FAM163A: variants seen among roughly 807,000 people sequenced by gnomAD.
FAM163A encodes protein FAM163A.
A neutral mutation model predicts 12.0 loss-of-function variants in FAM163A; 7 were observed. The ratio of observed to expected loss-of-function variants is 0.58; its 90% CI spans 0.33 to 1.10. FAM163A has a LOEUF of 1.10. FAM163A is among the 50% of genes least tolerant of loss of function. The pLI is 0.03. For missense variants in FAM163A, 202 were observed against 218.6 expected, an observed-to-expected ratio of 0.92 and a Z score of 0.48; for synonymous variants, 101 against 91.0, an observed-to-expected ratio of 1.11 and a Z score of -0.62.
the FAM163A span, among the ~76,000 whole-genome samples, chr1:179,732,880 CAAAAAA>C: frequency 1.5e-4 from 6 of 39,132 alleles, no homozygotes; most frequent in African/African-American, 2.0e-4. Flanking sequence ...GACTCTGCCT[CAAAAAA>C]AAAAAAAAAA....
At chr1:179,800,687 T>C (rs1429250639) in intron 1 of FAM163A, among the ~76,000 whole-genome samples, 1 of 152,170 alleles carries the variant, frequency 6.6e-6, no homozygotes, top group African/African-American at 2.4e-5. Context: ...CTGGGCTCCA[T>C]GCCAGGCATT....
At chr1:179,728,623 G>T in the FAM163A span, among the ~76,000 whole-genome samples, 1 of 152,172 alleles carries the variant, frequency 6.6e-6, no homozygotes, top group African/African-American at 2.4e-5. Context: ...ATTTGGGAGG[G>T]TTGATGTTTG....
the FAM163A span, among the ~76,000 whole-genome samples, chr1:179,730,612 A>G: frequency 6.6e-6 from 1 of 152,206 alleles, no homozygotes; most frequent in Non-Finnish European, 1.5e-5. Flanking sequence ...TCGGTAGAAA[A>G]TACTAACTGC....
chr1:179,797,398 A>G (rs753585637), intron 1 of FAM163A, among the ~76,000 whole-genome samples: 31 of 152,176 alleles, frequency 2.0e-4, no homozygotes, highest in Non-Finnish European at 3.7e-4. Flanking sequence ...CAGTGAGCCA[A>G]GATCACGCCA....
intron 1 of FAM163A, among the ~76,000 whole-genome samples, chr1:179,783,006 T>A (rs1289605745): frequency 6.6e-6 from 1 of 152,090 alleles, no homozygotes; most frequent in Non-Finnish European, 1.5e-5. Context: ...GGTGCATGCC[T>A]GTAATCCCAG....
chr1:179,740,708 A>G (rs903682801), upstream of FAM163A, among the ~76,000 whole-genome samples: 55 of 152,208 alleles, frequency 3.6e-4, no homozygotes, highest in African/African-American at 1.3e-3. Context: ...AATGGGAAAC[A>G]GGTAAGTGGT....
chr1:179,730,959 G>A, the FAM163A span, among the ~76,000 whole-genome samples: 1 of 152,080 alleles, frequency 6.6e-6, no homozygotes, highest in Non-Finnish European at 1.5e-5. Context: ...AAAGCCCAAG[G>A]TTTACACAGA....
chr1:179,803,820 GC>G (rs1477117378), intron 1 of FAM163A: 1 of 151,786 alleles, frequency 6.6e-6, no homozygotes, highest in African/African-American at 2.4e-5. Flanking sequence ...ACCCGCCTCG[GC>G]CTCCCAAAGT....
chr1:179,765,193 C>T (rs1687324941), intron 1 of FAM163A, among the ~76,000 whole-genome samples: 1 of 152,210 alleles, frequency 6.6e-6, no homozygotes, highest in African/African-American at 2.4e-5. Context: ...CCCCACTTCA[C>T]TTGTTGGCAG....
At chr1:179,798,241 G>A (rs1377637234) in intron 1 of FAM163A, among the ~76,000 whole-genome samples, 1 of 152,192 alleles carries the variant, frequency 6.6e-6, no homozygotes, top group South Asian at 2.1e-4. Context: ...AGAATATAAG[G>A]CATGTGTTTA....
intron 1 of FAM163A, among the ~76,000 whole-genome samples, chr1:179,793,062 A>C (rs1415520641): frequency 2.0e-5 from 3 of 152,004 alleles, no homozygotes; most frequent in Non-Finnish European, 2.9e-5. Flanking sequence ...ACAGAGATAC[A>C]AAATAAAATG....
chr1:179,788,829 G>C (rs1442148418), intron 1 of FAM163A, among the ~76,000 whole-genome samples: 1 of 152,224 alleles, frequency 6.6e-6, no homozygotes, highest in Non-Finnish European at 1.5e-5. Context: ...CTACCTTCCA[G>C]TGCAAGGTCC....
intron 1 of FAM163A, among the ~76,000 whole-genome samples, chr1:179,787,844 A>G (rs1416740747): frequency 6.6e-6 from 1 of 152,124 alleles, no homozygotes; most frequent in Admixed American, 6.5e-5. Context: ...CCAAATCCAG[A>G]TCACCATGGG....
chr1:179,735,894 C>T, the FAM163A span, among the ~76,000 whole-genome samples: 1 of 152,150 alleles, frequency 6.6e-6, no homozygotes, highest in Non-Finnish European at 1.5e-5. Flanking sequence ...GTCAACTGAT[C>T]TTTAGCGAAA....
At chr1:179,731,818 A>T in the FAM163A span, among the ~76,000 whole-genome samples, 2 of 152,230 alleles carry the variant, frequency 1.3e-5, no homozygotes, top group African/African-American at 4.8e-5. Flanking sequence ...ATATTACATC[A>T]TTGTAAAAGG....
At chr1:179,765,858 T>C (rs1687428900) in intron 1 of FAM163A, among the ~76,000 whole-genome samples, 1 of 152,126 alleles carries the variant, frequency 6.6e-6, no homozygotes, top group South Asian at 2.1e-4. Context: ...AGGTTCAGAA[T>C]GGCTGGCCTG....
At chr1:179,739,668 T>C (rs1482770397), upstream of FAM163A, among the ~76,000 whole-genome samples, 1 of 152,164 alleles carries the variant, frequency 6.6e-6, no homozygotes. Flanking sequence ...CTAGACTATA[T>C]AGAGAACTCT....
At chr1:179,770,949 G>A (rs951234286) in intron 1 of FAM163A, among the ~76,000 whole-genome samples, 1 of 152,098 alleles carries the variant, frequency 6.6e-6, no homozygotes, top group African/African-American at 2.4e-5. Flanking sequence ...CCTCAAGTCC[G>A]CAGATATCCC....
At chr1:179,750,647 T>C (rs1685148683) in intron 1 of FAM163A, among the ~76,000 whole-genome samples, 1 of 152,236 alleles carries the variant, frequency 6.6e-6, no homozygotes, top group South Asian at 2.1e-4. Context: ...CCTCATCTTA[T>C]CAGCCACATT....
Sources: gnomAD v4.1 joint callset for allele counts (sites outside exome capture counted in the v4.1 genomes callset) on GRCh38, gnomAD v4.1.1 for gene constraint, MANE v1.5 for transcripts, NCBI Gene and HGNC (gene_info 2026-07-23, HGNC 2026-07-21) for gene names.